KIAA1958: variants seen among roughly 807,000 people sequenced by gnomAD.
The protein encoded by KIAA1958 is uncharacterized protein KIAA1958.
Under a neutral mutation model 47.2 loss-of-function variants are expected in KIAA1958, and 14 were observed. That is an observed-to-expected ratio of 0.30 (90% CI 0.20 to 0.46). The LOEUF (loss-of-function observed/expected upper bound fraction) is 0.46, where lower values mean the gene tolerates loss of function less well. KIAA1958 is among the 20% of genes least tolerant of loss of function. The probability of loss-of-function intolerance (pLI) is 1.00; values close to 1 mark genes in which losing one functional copy is unlikely to be tolerated. For synonymous variants in KIAA1958, 354 were observed against 353.3 expected (o/e 1.00, Z -0.02); for missense variants, 803 against 909.2 (o/e 0.88, Z 1.50).
rs77060449 is a variant in KIAA1958, at chr9:112,630,366, C to T, written c.1172-15284C>T. 5.9e-3 allele frequency among the ~76,000 whole-genome samples: 898 copies of T among 152,260 alleles called. 15 individuals carry two copies. Among genetic ancestry groups the T allele is most frequent in the African/African-American group, 0.02 (841 of 41,538 alleles). The stretch of plus-strand genomic sequence containing the variant: ...GTGCAAAATTATACTAAGCTGCGGC[C>T]GGGCACAGTGGCAAATGCCTGTAAT... On this transcript the variant is annotated intron_variant, in intron 2 of 3. Coordinates refer to ENST00000337530, the MANE Select transcript of KIAA1958 (RefSeq NM_133465.4).
At position 112,641,953 on chromosome 9, in the gene KIAA1958, C is replaced by T. The variant is rs1467891898; in HGVS notation, c.1172-3697C>T. Among the ~76,000 whole-genome samples, 11 of 152,152 alleles carry T rather than the reference C, an allele frequency of 7.2e-5. No individual in the cohort carries two copies. In the East Asian group the frequency reaches 2.1e-3, roughly 29 times the overall value. On this transcript the variant is annotated intron_variant, in intron 2 of 3. Transcript: ENST00000337530. ...TGTCTAATTTTTTGTCTTTGGTTTT[C>T]CAGATTAAGTCTCCTTTCAGGGGGA...
At chr9:112,586,747 T>A (rs1777268049) in intron 2 of KIAA1958, among the ~76,000 whole-genome samples, 1 of 152,220 alleles carries the variant, frequency 6.6e-6, no homozygotes, top group African/African-American at 2.4e-5. Flanking sequence ...TTTCTTTCAG[T>A]GAATTGGATT....
At chr9:112,637,165 C>T (rs966014192) in intron 2 of KIAA1958, among the ~76,000 whole-genome samples, 1 of 152,104 alleles carries the variant, frequency 6.6e-6, no homozygotes, top group Non-Finnish European at 1.5e-5. Flanking sequence ...ATATTTAGAA[C>T]CCCACAAGAC....
intron 2 of KIAA1958, among the ~76,000 whole-genome samples, chr9:112,639,647 C>T (rs1195079197): frequency 1.3e-5 from 2 of 152,182 alleles, no homozygotes; most frequent in Non-Finnish European, 2.9e-5. Context: ...ACTTTTTTCT[C>T]TTGACTCAAG....
chr9:112,498,544 A>G (rs1405221556), intron 1 of KIAA1958, among the ~76,000 whole-genome samples: 2 of 148,902 alleles, frequency 1.3e-5, no homozygotes, highest in Admixed American at 6.6e-5. Context: ...GCCTTTGAAG[A>G]TTCTTTTAAA....
chr9:112,634,080 T>C (rs1432383538), intron 2 of KIAA1958, among the ~76,000 whole-genome samples: 2 of 152,256 alleles, frequency 1.3e-5, no homozygotes, highest in Non-Finnish European at 2.9e-5. Context: ...CACAAATCAA[T>C]GCTTGTACCA....
chr9:112,632,679 T>G (rs1836730826), intron 2 of KIAA1958, among the ~76,000 whole-genome samples: 1 of 152,146 alleles, frequency 6.6e-6, no homozygotes, highest in Admixed American at 6.5e-5. Flanking sequence ...TAGCGAGTTA[T>G]TTTTCCTTTT....
Position 112,660,157 on chromosome 9 carries a change from A to T in KIAA1958, c.*88A>T. On this transcript the variant is annotated 3_prime_UTR_variant, in exon 4 of 4. Transcript: ENST00000337530. Reference sequence around the variant, plus strand: ...TGGAGCTCCTTGGAGGCAGGGGCTGACCAGGTGTGACCTCCCGGTCTGGCG... The same window carrying T: ...TGGAGCTCCTTGGAGGCAGGGGCTGTCCAGGTGTGACCTCCCGGTCTGGCG... 7.3e-6 allele frequency: 8 copies of T among 1,100,408 alleles called. No homozygotes were observed. Among genetic ancestry groups the T allele is most frequent in the Non-Finnish European group, 1.1e-5 (8 of 755,704 alleles). 68.2% of individuals were successfully genotyped at this position (1,100,408 alleles called of 1,614,324 possible). A position where few individuals can be genotyped will look rare whatever the true frequency, so the allele number is the denominator to read the frequency against.
chr9:112,643,770 C>A (rs1836931176), intron 2 of KIAA1958, among the ~76,000 whole-genome samples: 1 of 151,962 alleles, frequency 6.6e-6, no homozygotes, highest in Non-Finnish European at 1.5e-5. Context: ...AATAGTAAAG[C>A]AAATGTGAGG....
intron 2 of KIAA1958, among the ~76,000 whole-genome samples, chr9:112,616,472 TAGAA>T (rs1452554667): frequency 3.9e-5 from 6 of 152,342 alleles, no homozygotes; most frequent in South Asian, 2.1e-4. Flanking sequence ...ATGTGGTAAT[TAGAA>T]AGACTTCCGC....
intron 3 of KIAA1958, among the ~76,000 whole-genome samples, chr9:112,656,012 C>G (rs1195509002): frequency 2.6e-5 from 4 of 151,874 alleles, no homozygotes; most frequent in African/African-American, 9.7e-5. Context: ...AGGAGGGAAA[C>G]AAAGGGTTTT....
intron 1 of KIAA1958, among the ~76,000 whole-genome samples, chr9:112,548,130 A>G (rs1264097489): frequency 6.6e-6 from 1 of 150,932 alleles, no homozygotes; most frequent in Non-Finnish European, 1.5e-5. Flanking sequence ...CAGTCCCCCA[A>G]GTAGGTGGGA....
Position 112,658,951 on chromosome 9 carries a change from C to T in KIAA1958, c.1345-312C>T, listed in dbSNP as rs570599160. 4.2e-3 allele frequency among the ~76,000 whole-genome samples: 552 copies of T among 131,162 alleles called. 1 individual carries two copies. The highest frequency in any genetic ancestry group is 6.7e-3 in the Non-Finnish European group (432 of 64,364). The allele number at this position is 131,162 out of a possible 152,430, so 86.0% of individuals were successfully genotyped here. A position where few individuals can be genotyped will look rare whatever the true frequency, so the allele number is the denominator to read the frequency against. On this transcript the variant is annotated intron_variant, in intron 3 of 3. Transcript: ENST00000337530. ...AGGAGAATGGCGTGAACCCGGGAGG[C>T]GGAGCTTGCAGTGAGCCGAGATCAC...
chr9:112,645,596 T>C, intron 2 of KIAA1958, 54 bp from the exon 3 acceptor site: 2 of 1,233,274 alleles, frequency 1.6e-6, no homozygotes, highest in Non-Finnish European at 2.3e-6. Flanking sequence ...GATGTAATTC[T>C]CTAAAGAAGG....
At chr9:112,565,850 G>A (rs1420875092) in intron 1 of KIAA1958, among the ~76,000 whole-genome samples, 2 of 152,176 alleles carry the variant, frequency 1.3e-5, no homozygotes, top group South Asian at 2.1e-4. Flanking sequence ...TGAGATTGGC[G>A]ATGGATTTAA....
In KIAA1958 at chr9:112,660,445, G is replaced by A. The variant is rs1355214771; in HGVS notation, c.*376G>A. ...GTCGTTTAAAAAAAAAATCCCAGTA[G>A]CGCAGTAGCTTTAGAACGTTAGGAA... On this transcript the variant is annotated 3_prime_UTR_variant, in exon 4 of 4. Coordinates refer to ENST00000337530, the MANE Select transcript of KIAA1958 (RefSeq NM_133465.4). 1 of 215,994 alleles carries A rather than the reference G, an allele frequency of 4.6e-6. No homozygotes were observed. The highest frequency in any genetic ancestry group is 9.3e-6 in the Non-Finnish European group (1 of 106,994). 13.4% of individuals were successfully genotyped at this position (215,994 alleles called of 1,614,324 possible). A position where few individuals can be genotyped will look rare whatever the true frequency, so the allele number is the denominator to read the frequency against.
chr9:112,532,695 G>A (rs891770292), intron 1 of KIAA1958, among the ~76,000 whole-genome samples: 2 of 152,170 alleles, frequency 1.3e-5, no homozygotes, highest in East Asian at 1.9e-4. Flanking sequence ...GGTGTTACTG[G>A]GATTAGTTCC....
chr9:112,650,244 A>C, intron 3 of KIAA1958, among the ~76,000 whole-genome samples: 1 of 152,274 alleles, frequency 6.6e-6, no homozygotes, highest in East Asian at 1.9e-4. Context: ...CTACACAACA[A>C]TATATATTAA....
chr9:112,534,812 G>T (rs1314320931), intron 1 of KIAA1958, among the ~76,000 whole-genome samples: 1 of 152,124 alleles, frequency 6.6e-6, no homozygotes, highest in African/African-American at 2.4e-5. Flanking sequence ...CCAAAGTGCT[G>T]GGATTACAGG....
Sources: gnomAD v4.1 joint callset for allele counts (sites outside exome capture counted in the v4.1 genomes callset) on GRCh38, gnomAD v4.1.1 for gene constraint, MANE v1.5 for transcripts, NCBI Gene and HGNC (gene_info 2026-07-23, HGNC 2026-07-21) for gene names.